MAP2: variants seen among roughly 807,000 people sequenced by gnomAD.
The protein encoded by MAP2 is microtubule-associated protein 2.
A neutral mutation model predicts 137.6 loss-of-function variants in MAP2; 14 were observed. That is an observed-to-expected ratio of 0.10 (90% CI 0.07 to 0.16). The LOEUF (loss-of-function observed/expected upper bound fraction) is 0.16. Ranked by LOEUF, MAP2 falls within the 10% of genes least tolerant of loss-of-function variation. The pLI is 1.00. For missense variants in MAP2, 2,088 were observed against 2,191.5 expected, an observed-to-expected ratio of 0.95 and a Z score of 0.94; for synonymous variants, 786 against 782.3, an observed-to-expected ratio of 1.00 and a Z score of -0.08.
At chr2:209,511,070 TTACTC>T (rs1431515540) in intron 2 of MAP2, among the ~76,000 whole-genome samples, 3 of 152,082 alleles carry the variant, frequency 2.0e-5, no homozygotes, top group Admixed American at 6.6e-5. Flanking sequence ...AGAACTAAGA[TTACTC>T]TACAAATCTA....
chr2:209,634,951 T>G (rs1263704679), intron 4 of MAP2, among the ~76,000 whole-genome samples: 1 of 152,056 alleles, frequency 6.6e-6, no homozygotes, highest in Non-Finnish European at 1.5e-5. Context: ...AAAAATTAGC[T>G]AGGAAGGTTG....
At chr2:209,559,660 A>G (rs1377388034) in intron 2 of MAP2, among the ~76,000 whole-genome samples, 1 of 152,030 alleles carries the variant, frequency 6.6e-6, no homozygotes, top group Non-Finnish European at 1.5e-5. Flanking sequence ...CAAAAAAATA[A>G]AGAGAAAAAC....
intron 3 of MAP2, among the ~76,000 whole-genome samples, chr2:209,612,088 T>C (rs1447384794): frequency 6.6e-6 from 1 of 152,180 alleles, no homozygotes; most frequent in African/African-American, 2.4e-5. Flanking sequence ...CTCTGTGATA[T>C]GTGTGTGCTG....
intron 2 of MAP2, among the ~76,000 whole-genome samples, chr2:209,561,299 G>T (rs2072013568): frequency 6.6e-6 from 1 of 152,196 alleles, no homozygotes; most frequent in African/African-American, 2.4e-5. Flanking sequence ...CAAAGAAGGT[G>T]ATTGGGTTTG....
intron 2 of MAP2, among the ~76,000 whole-genome samples, chr2:209,530,646 T>C (rs2064973624): frequency 6.6e-6 from 1 of 152,212 alleles, no homozygotes; most frequent in Non-Finnish European, 1.5e-5. Context: ...ATTCTAGTAA[T>C]TTGTATTTAT....
intron 3 of MAP2, among the ~76,000 whole-genome samples, chr2:209,583,475 G>T (rs1379296358): frequency 1.3e-5 from 2 of 148,582 alleles, no homozygotes; most frequent in South Asian, 4.3e-4. Context: ...CAAGGTTTGG[G>T]TTTTTTTTTT....
chr2:209,554,617 G>A (rs2070059505), intron 2 of MAP2, among the ~76,000 whole-genome samples: 1 of 152,020 alleles, frequency 6.6e-6, no homozygotes, highest in Non-Finnish European at 1.5e-5. Flanking sequence ...GTGAAGCGTT[G>A]TCTCTACAAA....
chr2:209,704,298 G>C, intron 11 of MAP2: 1 of 641,110 alleles, frequency 1.6e-6, no homozygotes, highest in Non-Finnish European at 2.7e-6. Flanking sequence ...TCTCATCTAA[G>C]TACACATCTC....
intron 2 of MAP2, among the ~76,000 whole-genome samples, chr2:209,540,834 A>G (rs892617777): frequency 6.6e-6 from 1 of 150,378 alleles, no homozygotes; most frequent in African/African-American, 2.5e-5. Context: ...AATCTACTGT[A>G]TGCATTATAC....
chr2:209,621,162 T>C (rs1009194665), intron 3 of MAP2, among the ~76,000 whole-genome samples: 5 of 150,038 alleles, frequency 3.3e-5, no homozygotes, highest in African/African-American at 1.2e-4. Flanking sequence ...GCCATTGCAC[T>C]CTAGCCTGGC....
intron 2 of MAP2, among the ~76,000 whole-genome samples, chr2:209,509,276 A>G (rs1251901826): frequency 1.3e-5 from 2 of 151,992 alleles, no homozygotes; most frequent in African/African-American, 4.8e-5. Context: ...AAAATTTTTC[A>G]TAATCTGATC....
At chr2:209,544,630 G>A (rs73071034) in intron 2 of MAP2, among the ~76,000 whole-genome samples, 22,927 of 152,114 alleles carry the variant, frequency 0.15, 2,353 homozygotes, top group African/African-American at 0.29. Flanking sequence ...AGGGCACTCA[G>A]TAAACACTAA....
intron 3 of MAP2, among the ~76,000 whole-genome samples, chr2:209,621,090 G>C (rs1243576754): frequency 6.6e-6 from 1 of 151,372 alleles, no homozygotes; most frequent in Non-Finnish European, 1.5e-5. Context: ...AGCTACTCTG[G>C]GGACTGAGGC....
chr2:209,511,508 C>T (rs2061713636), intron 2 of MAP2, among the ~76,000 whole-genome samples: 1 of 152,118 alleles, frequency 6.6e-6, no homozygotes, highest in Admixed American at 6.6e-5. Context: ...GGTTGAAGCA[C>T]CCGAGTTTGA....
At chr2:209,727,533 C>G (rs1008805576) in intron 14 of MAP2, among the ~76,000 whole-genome samples, 2 of 152,182 alleles carry the variant, frequency 1.3e-5, no homozygotes, top group African/African-American at 4.8e-5. Flanking sequence ...AAATCTAGCT[C>G]TTGCTTCTAT....
chr2:209,546,350 G>A (rs927379071), intron 2 of MAP2, among the ~76,000 whole-genome samples: 3 of 151,976 alleles, frequency 2.0e-5, no homozygotes, highest in African/African-American at 7.3e-5. Flanking sequence ...TTGTATGTTT[G>A]TGCATCTTAA....
At chr2:209,623,677 G>T (rs532476898) in intron 3 of MAP2, among the ~76,000 whole-genome samples, 45 of 152,008 alleles carry the variant, frequency 3.0e-4, no homozygotes, top group South Asian at 1.2e-3. Context: ...TCTCTAAATA[G>T]TCTGAAGTTA....
chr2:209,434,564 G>A (rs573299286), intron 1 of MAP2, among the ~76,000 whole-genome samples: 11 of 151,698 alleles, frequency 7.3e-5, no homozygotes, highest in African/African-American at 2.4e-4. Flanking sequence ...TATGGGACAA[G>A]CATGGTTACT....
chr2:209,463,107 CAT>C (rs940919532), intron 1 of MAP2, among the ~76,000 whole-genome samples: 4 of 152,028 alleles, frequency 2.6e-5, no homozygotes, highest in African/African-American at 7.2e-5. Context: ...GAATCTATCT[CAT>C]GTGGTTATTG....
Sources: allele counts gnomAD v4.1 joint callset (sites outside exome capture counted in the v4.1 genomes callset), GRCh38; gene constraint gnomAD v4.1.1; transcripts MANE v1.5; gene names NCBI Gene and HGNC (gene_info 2026-07-23, HGNC 2026-07-21).